MACROD2: variants seen among roughly 807,000 people sequenced by gnomAD.
The protein encoded by MACROD2 is ADP-ribose glycohydrolase MACROD2.
Under a neutral mutation model 70.4 loss-of-function variants are expected in MACROD2, and 36 were observed. The observed-to-expected ratio is 0.51, with a 90% confidence interval of 0.39 to 0.68. The LOEUF is 0.68. Among genes scored for constraint, MACROD2 ranks in the 30% least tolerant of loss-of-function variants. MACROD2 has a pLI of 0.00. For synonymous variants in MACROD2, 172 were observed against 178.8 expected (o/e 0.96, Z 0.30); for missense variants, 496 against 538.4 (o/e 0.92, Z 0.78).
At chr20:14,725,171 G>T (rs905755121) in intron 5 of MACROD2, among the ~76,000 whole-genome samples, 1 of 152,192 alleles carries the variant, frequency 6.6e-6, no homozygotes. Context: ...AGATACGAGA[G>T]GGAGGAGAAG....
intron 3 of MACROD2, among the ~76,000 whole-genome samples, chr20:14,387,172 C>A (rs541189753): frequency 6.6e-6 from 1 of 152,254 alleles, no homozygotes; most frequent in East Asian, 1.9e-4. Flanking sequence ...GGAGTAGTTT[C>A]TCTTTTACCT....
At chr20:16,044,701 T>C in intron 17 of MACROD2, 62 bp downstream of exon 17, 1 of 1,456,430 alleles carries the variant, frequency 6.9e-7, no homozygotes, top group Non-Finnish European at 9.6e-7. Context: ...TATTTGCAAA[T>C]GACATACTGG....
chr20:14,687,398 TA>T (rs1235381785), intron 5 of MACROD2, among the ~76,000 whole-genome samples: 1 of 152,228 alleles, frequency 6.6e-6, no homozygotes, highest in Non-Finnish European at 1.5e-5. Flanking sequence ...TCCCTTTGAA[TA>T]AGTTATTCAG....
intron 5 of MACROD2, among the ~76,000 whole-genome samples, chr20:15,048,117 T>TAAATAAATAAATAAATAAATA (rs368002923): frequency 6.7e-6 from 1 of 150,308 alleles, no homozygotes; most frequent in Non-Finnish European, 1.5e-5. Context: ...AATAAATAAA[T>TAAATAAATAAATAAATAAATA]AATAAAAAAT....
chr20:14,002,282 T>C lies in MACROD2; in HGVS notation c.47-6T>C. ...ACAAATGGAGATTCTGCTTTTATTT[T>C]GCAAGAACGTTTATTGAAGATGACC... On this transcript the variant is annotated splice_region_variant and splice_polypyrimidine_tract_variant and intron_variant, in intron 1 of 17. Transcript: ENST00000684519. 6.4e-7 allele frequency: 1 copy of C among 1,551,870 alleles called. No homozygotes were observed. Among genetic ancestry groups the C allele is most frequent in the Non-Finnish European group, 8.8e-7 (1 of 1,141,792 alleles).
intron 5 of MACROD2, among the ~76,000 whole-genome samples, chr20:15,074,692 T>C (rs1022096754): frequency 3.9e-5 from 6 of 152,166 alleles, no homozygotes; most frequent in Admixed American, 1.3e-4. Context: ...CACTGCAGAA[T>C]TGATTGCTTG....
At chr20:14,150,717 A>G (rs921857993) in intron 3 of MACROD2, among the ~76,000 whole-genome samples, 1 of 152,100 alleles carries the variant, frequency 6.6e-6, no homozygotes, top group Non-Finnish European at 1.5e-5. Context: ...GCTGGAATCA[A>G]TTCAGATAAA....
chr20:15,342,789 A>G (rs1005163437), intron 6 of MACROD2, among the ~76,000 whole-genome samples: 71 of 152,272 alleles, frequency 4.7e-4, no homozygotes, highest in African/African-American at 1.7e-3. Flanking sequence ...GTGGAACTTC[A>G]TTGGTGGTAC....
chr20:14,573,420 C>G (rs1463722241), intron 4 of MACROD2, among the ~76,000 whole-genome samples: 1 of 151,966 alleles, frequency 6.6e-6, no homozygotes, highest in East Asian at 1.9e-4. Context: ...ATTACTAAAA[C>G]AAAAATATAG....
chr20:15,940,421 A>G (rs1216273543), intron 12 of MACROD2, among the ~76,000 whole-genome samples: 1 of 152,164 alleles, frequency 6.6e-6, no homozygotes, highest in Non-Finnish European at 1.5e-5. Context: ...GATAATTTCT[A>G]CTGTGGGTAA....
intron 4 of MACROD2, among the ~76,000 whole-genome samples, chr20:14,539,693 A>G (rs1387903079): frequency 6.6e-6 from 1 of 152,248 alleles, no homozygotes; most frequent in Non-Finnish European, 1.5e-5. Flanking sequence ...TATGTGCCAT[A>G]AATCCTCTAT....
At chr20:15,250,919 G>T (rs2077150321) in intron 6 of MACROD2, among the ~76,000 whole-genome samples, 1 of 152,172 alleles carries the variant, frequency 6.6e-6, no homozygotes, top group Non-Finnish European at 1.5e-5. Flanking sequence ...AATGTTTGTA[G>T]AATGAATGTA....
intron 2 of MACROD2, among the ~76,000 whole-genome samples, chr20:14,042,549 A>G (rs1380227310): frequency 6.6e-6 from 1 of 152,146 alleles, no homozygotes; most frequent in Non-Finnish European, 1.5e-5. Flanking sequence ...CCCGGGCTAG[A>G]GTACAGTGGT....
At chr20:14,450,669 A>C (rs1306063051) in intron 3 of MACROD2, among the ~76,000 whole-genome samples, 1 of 152,172 alleles carries the variant, frequency 6.6e-6, no homozygotes, top group East Asian at 1.9e-4. Flanking sequence ...ATGGATTTAA[A>C]TACAAATATG....
At chr20:15,983,988 T>C (rs2066439489) in intron 13 of MACROD2, among the ~76,000 whole-genome samples, 1 of 152,198 alleles carries the variant, frequency 6.6e-6, no homozygotes, top group African/African-American at 2.4e-5. Context: ...GTATGATTTT[T>C]ATAGTAGATA....
intron 4 of MACROD2, among the ~76,000 whole-genome samples, chr20:14,538,471 A>G (rs1245217812): frequency 6.6e-6 from 1 of 152,160 alleles, no homozygotes; most frequent in Admixed American, 6.5e-5. Flanking sequence ...AGATCACAAT[A>G]CACCCCTGCC....
At chr20:16,003,211 C>T (rs1028973299) in intron 15 of MACROD2, among the ~76,000 whole-genome samples, 1 of 151,986 alleles carries the variant, frequency 6.6e-6, no homozygotes, top group African/African-American at 2.4e-5. Flanking sequence ...GTTCCTTGGA[C>T]CAGTAGCTTC....
intron 5 of MACROD2, among the ~76,000 whole-genome samples, chr20:14,739,556 T>A (rs1169093036): frequency 6.6e-6 from 1 of 151,990 alleles, no homozygotes; most frequent in Non-Finnish European, 1.5e-5. Context: ...AAAGGTATTA[T>A]CTACTCAAAA....
intron 7 of MACROD2, among the ~76,000 whole-genome samples, chr20:15,456,739 A>G (rs1338350098): frequency 6.6e-6 from 1 of 152,158 alleles, no homozygotes; most frequent in Non-Finnish European, 1.5e-5. Flanking sequence ...GGAGAGCTTA[A>G]GAAATACCAA....
Sources: allele counts gnomAD v4.1 joint callset (sites outside exome capture counted in the v4.1 genomes callset), GRCh38; gene constraint gnomAD v4.1.1; transcripts MANE v1.5; gene names NCBI Gene and HGNC (gene_info 2026-07-23, HGNC 2026-07-21).